The following AKR1E2 variants were observed in gnomAD, a reference collection of about 807,000 sequenced individuals.
AKR1E2 encodes 1,5-anhydro-D-fructose reductase.
A neutral mutation model predicts 41.9 loss-of-function variants in AKR1E2; 43 were observed. The observed-to-expected ratio is 1.03, with a 90% CI of 0.80 to 1.32. The LOEUF (loss-of-function observed/expected upper bound fraction) is 1.32, where lower values mean the gene tolerates loss of function less well. AKR1E2 is among the 40% of genes most tolerant of loss of function. The pLI is 0.00. For synonymous variants in AKR1E2, 121 were observed against 138.9 expected (o/e 0.87, Z 0.91); for missense variants, 423 against 396.5 (o/e 1.07, Z -0.57).
rs1834432804 is a variant in AKR1E2, at chr10:4,847,709, G to A, written c.*179G>A. 1.5e-5 allele frequency: 10 copies of A among 683,126 alleles called. No individual in the cohort carries two copies. Among genetic ancestry groups the A allele is most frequent in the Non-Finnish European group, 5.0e-6 (2 of 399,194 alleles). The allele number at this position is 683,126 out of a possible 1,614,324, so 42.3% of individuals were successfully genotyped here. On this transcript the variant is annotated 3_prime_UTR_variant, in exon 10 of 10. Transcript: ENST00000298375. ...ATCTGGAGAATTGAGTGTGTTCTAA[G>A]TGAAGGCAATGGGGTTTCTCCAAGA...
chr10:4,863,006 T>C, the AKR1E2 span, among the ~76,000 whole-genome samples: 1 of 152,020 alleles, frequency 6.6e-6, no homozygotes. Context: ...CACACAATAA[T>C]AATGGGAGAC....
downstream of AKR1E2, among the ~76,000 whole-genome samples, chr10:4,852,579 C>T (rs1834548648): frequency 1.3e-5 from 1 of 78,988 alleles, no homozygotes. Context: ...TGAGTTGTGA[C>T]AGCTGCAGGG....
intron 4 of AKR1E2, among the ~76,000 whole-genome samples, chr10:4,836,977 G>C (rs1588456005): frequency 6.6e-6 from 1 of 152,214 alleles, no homozygotes; most frequent in Non-Finnish European, 1.5e-5. Flanking sequence ...TCTTAAAATA[G>C]TAAGTGGAGA....
chr10:4,834,382 G>T (rs113007642), intron 3 of AKR1E2, among the ~76,000 whole-genome samples: 161 of 152,312 alleles, frequency 1.1e-3, no homozygotes, highest in African/African-American at 3.6e-3. Flanking sequence ...GCAGCTGTCC[G>T]TTAGTGACAC....
chr10:4,845,215 G>A (rs1057281151), intron 8 of AKR1E2, among the ~76,000 whole-genome samples: 3 of 152,028 alleles, frequency 2.0e-5, no homozygotes, highest in Non-Finnish European at 2.9e-5. Context: ...TCCGAGTGCC[G>A]GGCCCACCAA....
At chr10:4,841,214 A>G (rs1833847279) in intron 6 of AKR1E2, among the ~76,000 whole-genome samples, 1 of 152,170 alleles carries the variant, frequency 6.6e-6, no homozygotes, top group East Asian at 1.9e-4. Flanking sequence ...TGCCTGAAAC[A>G]GGGTGATGGC....
At chr10:4,844,888 G>A (rs921632254) in intron 8 of AKR1E2, among the ~76,000 whole-genome samples, 1 of 152,190 alleles carries the variant, frequency 6.6e-6, no homozygotes, top group Non-Finnish European at 1.5e-5. Flanking sequence ...AGGTGAAGGC[G>A]CCTGCCAGTC....
the AKR1E2 span, among the ~76,000 whole-genome samples, chr10:4,866,359 T>G: frequency 1.3e-5 from 2 of 152,176 alleles, no homozygotes; most frequent in African/African-American, 4.8e-5. Flanking sequence ...TTTGAGATGA[T>G]TATAGATACA....
chr10:4,841,922 C>A, intron 7 of AKR1E2, 65 bp downstream of exon 7: 1 of 1,479,428 alleles, frequency 6.8e-7, no homozygotes, highest in Non-Finnish European at 9.2e-7. Flanking sequence ...CTTGGGGAGT[C>A]CTGGGGCTTG....
At chr10:4,832,473 T>G (rs1833045296) in intron 2 of AKR1E2, among the ~76,000 whole-genome samples, 1 of 152,218 alleles carries the variant, frequency 6.6e-6, no homozygotes, top group Non-Finnish European at 1.5e-5. Context: ...ACTGGAGATT[T>G]CTAAGGCTCA....
chr10:4,857,656 CG>C, the AKR1E2 span, among the ~76,000 whole-genome samples: 3 of 151,972 alleles, frequency 2.0e-5, no homozygotes, highest in Non-Finnish European at 4.4e-5. Flanking sequence ...TATATATACC[CG>C]CTATATGCCC....
At chr10:4,873,007 C>T in the AKR1E2 span, among the ~76,000 whole-genome samples, 4 of 152,102 alleles carry the variant, frequency 2.6e-5, no homozygotes, top group African/African-American at 9.7e-5. Flanking sequence ...CTAAGACAGG[C>T]CTGACATATG....
the AKR1E2 span, chr10:4,871,834 A>T: frequency 3.3e-5 from 5 of 152,314 alleles, no homozygotes; most frequent in East Asian, 7.7e-4. Flanking sequence ...CCCATCCATG[A>T]GATATTCTCT....
At chr10:4,825,822 G>A (rs987307627), upstream of AKR1E2, among the ~76,000 whole-genome samples, 3 of 152,218 alleles carry the variant, frequency 2.0e-5, no homozygotes, top group Non-Finnish European at 4.4e-5. Flanking sequence ...GCGAGGCCCT[G>A]GAACGGTGAA....
At chr10:4,855,259 G>A in the AKR1E2 span, among the ~76,000 whole-genome samples, 1 of 152,230 alleles carries the variant, frequency 6.6e-6, no homozygotes, top group Admixed American at 6.5e-5. Context: ...GTTGATTAAT[G>A]GAAAAAAGGA....
the AKR1E2 span, among the ~76,000 whole-genome samples, chr10:4,858,062 A>G: frequency 6.6e-6 from 1 of 151,882 alleles, no homozygotes; most frequent in Non-Finnish European, 1.5e-5. Context: ...GTTCCTTAGG[A>G]TGTAAAGTTA....
chr10:4,825,088 A>AT (rs892441266), upstream of AKR1E2: 1 of 447,552 alleles, frequency 2.2e-6, no homozygotes, highest in African/African-American at 2.0e-5. Flanking sequence ...AGTATCGAAG[A>AT]TCCCCCTTCC....
chr10:4,835,150 G>A (rs937362355), intron 3 of AKR1E2, among the ~76,000 whole-genome samples: 5 of 152,212 alleles, frequency 3.3e-5, no homozygotes, highest in Non-Finnish European at 7.3e-5. Context: ...TGGATTGCAC[G>A]TCAGTGCTTC....
At chr10:4,825,808 C>CT, upstream of AKR1E2, among the ~76,000 whole-genome samples, 1 of 152,334 alleles carries the variant, frequency 6.6e-6, no homozygotes, top group South Asian at 2.1e-4. Flanking sequence ...ATGGCCCGGC[C>CT]ATGGCGAGGC....
Sources: gnomAD v4.1 joint callset for allele counts (sites outside exome capture counted in the v4.1 genomes callset) on GRCh38, gnomAD v4.1.1 for gene constraint, MANE v1.5 for transcripts, NCBI Gene and HGNC (gene_info 2026-07-23, HGNC 2026-07-21) for gene names.